Variants in NEXN observed in about 807,000 individuals in gnomAD.
NEXN encodes nexilin.
Under a neutral mutation model 92.6 loss-of-function variants are expected in NEXN, and 65 were observed. That is an observed-to-expected ratio of 0.70 (90% CI 0.57 to 0.86). NEXN has a LOEUF of 0.86. NEXN is among the 40% of genes least tolerant of loss of function. The pLI is 0.00. For missense variants in NEXN, 778 were observed against 771.1 expected, an observed-to-expected ratio of 1.01 and a Z score of -0.11; for synonymous variants, 254 against 242.5, an observed-to-expected ratio of 1.05 and a Z score of -0.44.
intron 1 of NEXN, among the ~76,000 whole-genome samples, chr1:77,890,362 TA>T (rs1452361663): frequency 6.6e-6 from 1 of 152,198 alleles, no homozygotes; most frequent in African/African-American, 2.4e-5. Context: ...CCAGTTTTAA[TA>T]AAAGATTCAT....
chr1:77,943,065 T>C lies in NEXN; in HGVS notation c.*236T>C. The C allele has an allele frequency of 1.9e-6, 1 of 518,586 alleles. No homozygotes were observed. The highest frequency in any genetic ancestry group is 3.6e-6 in the Non-Finnish European group (1 of 279,234). The allele number at this position is 518,586 out of a possible 1,614,324, so 32.1% of individuals were successfully genotyped here. ...AACAGTCTTCAAAGCACAGCTCATC[T>C]AAAGAATGCCTACTTCTTTTCCAAA... On this transcript the variant is annotated 3_prime_UTR_variant, in exon 13 of 13. Coordinates refer to ENST00000334785, the MANE Select transcript of NEXN (RefSeq NM_144573.4).
At chr1:77,936,773 G>T (rs1033576555) in intron 11 of NEXN, among the ~76,000 whole-genome samples, 2 of 152,084 alleles carry the variant, frequency 1.3e-5, no homozygotes, top group Non-Finnish European at 2.9e-5. Context: ...ATATTTAACA[G>T]AACTTAACCT....
chr1:77,940,773 T>A (rs1184678965), intron 11 of NEXN, among the ~76,000 whole-genome samples: 1 of 152,232 alleles, frequency 6.6e-6, no homozygotes. Flanking sequence ...TGGTTTAACA[T>A]GTATTTTTCT....
intron 1 of NEXN, among the ~76,000 whole-genome samples, chr1:77,908,394 ATT>A (rs34361411): frequency 0.052 from 1,904 of 36,302 alleles, 32 homozygotes; most frequent in African/African-American, 0.14. Context: ...CCCTACCTCT[ATT>A]TTTTTTTTTT....
chr1:77,895,029 ATTTTTTT>A (rs559226754), intron 1 of NEXN, among the ~76,000 whole-genome samples: 67 of 61,626 alleles, frequency 1.1e-3, no homozygotes, highest in African/African-American at 4.2e-3. Flanking sequence ...CTATAGTGTA[ATTTTTTT>A]TTTTTTTTTT....
chr1:77,928,963 G>A (rs1289339921), intron 8 of NEXN, among the ~76,000 whole-genome samples: 1 of 152,146 alleles, frequency 6.6e-6, no homozygotes, highest in Non-Finnish European at 1.5e-5. Context: ...TGTTGCCCAG[G>A]CTGGTCTTGA....
chr1:77,925,301 G>GA, intron 6 of NEXN, 72 bp downstream of exon 6: 1 of 1,047,624 alleles, frequency 9.5e-7, no homozygotes, highest in Non-Finnish European at 1.5e-6. Flanking sequence ...TTTAGTATAA[G>GA]AAAAAACTAA....
chr1:77,898,954 T>C (rs1647459846), intron 1 of NEXN, among the ~76,000 whole-genome samples: 1 of 152,204 alleles, frequency 6.6e-6, no homozygotes, highest in Middle Eastern at 3.4e-3. Context: ...AAAACCACAA[T>C]GAGATACCAT....
At chr1:77,905,983 A>C (rs989546624) in intron 1 of NEXN, among the ~76,000 whole-genome samples, 1 of 152,162 alleles carries the variant, frequency 6.6e-6, no homozygotes, top group East Asian at 1.9e-4. Flanking sequence ...TTAATCTACT[A>C]AAGTGTATTA....
chr1:77,938,535 G>T (rs1005391763), intron 11 of NEXN, among the ~76,000 whole-genome samples: 1 of 148,084 alleles, frequency 6.8e-6, no homozygotes, highest in African/African-American at 2.5e-5. Context: ...TATAGTCCCA[G>T]CTACTCAGGA....
intron 1 of NEXN, among the ~76,000 whole-genome samples, chr1:77,896,009 G>T (rs1176177435): frequency 6.6e-6 from 1 of 150,746 alleles, no homozygotes; most frequent in Admixed American, 6.6e-5. Flanking sequence ...AACCCTGTCT[G>T]TACTAAAAAA....
At chr1:77,912,417 G>C (rs2102076422) in intron 1 of NEXN, among the ~76,000 whole-genome samples, 1 of 152,144 alleles carries the variant, frequency 6.6e-6, no homozygotes, top group Non-Finnish European at 1.5e-5. Context: ...CAAAATCCCA[G>C]CATATTATTT....
intron 5 of NEXN, among the ~76,000 whole-genome samples, chr1:77,919,048 T>A (rs926489517): frequency 6.6e-6 from 1 of 152,216 alleles, no homozygotes; most frequent in African/African-American, 2.4e-5. Context: ...CAGTTCCACT[T>A]GGCTGAGGAG....
In NEXN at chr1:77,942,807, T is replaced by C. The variant is rs1214715218; in HGVS notation, c.2006T>C (p.Leu669Pro). 6.2e-7 allele frequency: 1 copy of C among 1,610,332 alleles called. No homozygotes were observed. The highest frequency in any genetic ancestry group is 8.5e-7 in the Non-Finnish European group (1 of 1,177,210). The change falls in exon 13 of 13, where the codon CTT (leucine) becomes CCT (proline). Residue 669 changes from leucine to proline, a missense_variant. Physicochemically the swap from Leu to Pro is moderately conservative, Grantham distance 98. This residue lies in a region of NEXN where 532 missense variants were observed against 476.7 expected (regional missense o/e 1.12). Coordinates refer to ENST00000334785, the MANE Select transcript of NEXN (RefSeq NM_144573.4). ...GGATCTGCAGCTAGTACCTGTATTC[T>C]TACCATTGAAAGTAAGAATTAATCA... ...NKGSAASTCI[L>P]TIESKN
At chr1:77,919,968 C>T (rs1013636845) in intron 5 of NEXN, among the ~76,000 whole-genome samples, 9 of 151,596 alleles carry the variant, frequency 5.9e-5, no homozygotes, top group African/African-American at 1.9e-4. Flanking sequence ...GGCAAAATCT[C>T]GGCTCACTGC....
chr1:77,924,487 CCTT>C (rs969394306), intron 5 of NEXN, among the ~76,000 whole-genome samples: 6 of 151,996 alleles, frequency 3.9e-5, no homozygotes, highest in Non-Finnish European at 8.8e-5. Flanking sequence ...GATAGGTTTT[CCTT>C]TGATGGGGCA....
intron 8 of NEXN, among the ~76,000 whole-genome samples, chr1:77,928,254 C>A (rs72948004): frequency 6.7e-6 from 1 of 148,796 alleles, no homozygotes; most frequent in African/African-American, 2.5e-5. Flanking sequence ...AAGGCTACGG[C>A]GAACTATGAA....
Position 77,924,505 on chromosome 1 carries a change from C to A in NEXN, c.448-683C>A, listed in dbSNP as rs537754934. The stretch of plus-strand genomic sequence containing the variant: ...AGGTTTTCCTTTGATGGGGCAGTGA[C>A]AAAGAATGGAGAAGTGTTTCTATGT... On this transcript the variant is annotated intron_variant, in intron 5 of 12. Transcript: ENST00000334785. Among the ~76,000 whole-genome samples, 13 of 152,212 alleles carry A rather than the reference C, an allele frequency of 8.5e-5. No individual in the cohort carries two copies. The East Asian group carries it at 2.3e-3, about 27-fold the overall frequency.
At position 77,942,058 on chromosome 1, in the gene NEXN, C is replaced by T. The variant is rs757578397; in HGVS notation, c.1509C>T (p.Ser503=). ...TTGATGTTAGGCCTGCAAGAAAAAGCGAGGCTCCATTTACTCACAAAGTGA... is the reference window on the plus strand; with the variant it reads ...TTGATGTTAGGCCTGCAAGAAAAAGTGAGGCTCCATTTACTCACAAAGTGA... ...DDVDVRPARK[S]EAPFTHKVNM... is the part of the protein sequence containing the mutation. The change falls in exon 12 of 13, where the codon AGC becomes AGT. Residue 503 remains serine, a synonymous_variant. Coordinates refer to ENST00000334785, the MANE Select transcript of NEXN (RefSeq NM_144573.4). 2.5e-6 allele frequency: 4 copies of T among 1,613,174 alleles called. No individual in the cohort carries two copies. The highest frequency in any genetic ancestry group is 2.2e-5 in the South Asian group (2 of 91,000).
Sources: gnomAD v4.1 joint callset for allele counts (sites outside exome capture counted in the v4.1 genomes callset) on GRCh38, gnomAD v4.1.1 for gene constraint, gnomAD v4.1.1 regional missense constraint, MANE v1.5 for transcripts, NCBI Gene and HGNC (gene_info 2026-07-23, HGNC 2026-07-21) for gene names.